RBFOX3: variants seen among roughly 807,000 people sequenced by gnomAD.
RBFOX3 encodes RNA binding fox-1 homolog 3.
RBFOX3 carries 17 observed loss-of-function variants against 48.7 expected under a neutral mutation model. The ratio of observed to expected loss-of-function variants is 0.35; its 90% CI spans 0.24 to 0.52. The LOEUF (loss-of-function observed/expected upper bound fraction) is 0.52, where lower values mean the gene tolerates loss of function less well. Among genes scored for constraint, RBFOX3 ranks in the 20% least tolerant of loss-of-function variants. RBFOX3 has a pLI of 0.94. For synonymous variants in RBFOX3, 212 were observed against 209.5 expected (o/e 1.01, Z -0.10); for missense variants, 382 against 497.5 (o/e 0.77, Z 2.21).
At chr17:79,125,162 G>A (rs1658888901) in intron 4 of RBFOX3, among the ~76,000 whole-genome samples, 1 of 152,146 alleles carries the variant, frequency 6.6e-6, no homozygotes, top group Non-Finnish European at 1.5e-5. Context: ...ATGACGGTGT[G>A]GGGCGAGGGC....
In RBFOX3 at chr17:79,339,439, G is replaced by C. The variant is rs530567858; in HGVS notation, c.-174-31615C>G. Among the ~76,000 whole-genome samples, 10 of 152,312 alleles carry C rather than the reference G, an allele frequency of 6.6e-5. No individual in the cohort carries two copies. In the South Asian group the frequency reaches 1.9e-3, roughly 28 times the overall value. ...ATCGCCTACCTCAAGAAAAGGCACA[G>C]TGCAACACCAGCCTCACCCACGAGC... On this transcript the variant is annotated intron_variant, in intron 2 of 14. Transcript: ENST00000693108.
intron 3 of RBFOX3, among the ~76,000 whole-genome samples, chr17:79,293,418 TC>T (rs2073754995): frequency 6.9e-5 from 1 of 14,470 alleles, no homozygotes; most frequent in African/African-American, 5.8e-4. Context: ...ACCCCTTCCT[TC>T]CTTCCTTCCT....
intron 1 of RBFOX3, among the ~76,000 whole-genome samples, chr17:79,499,647 G>A (rs1010001505): frequency 3.3e-5 from 5 of 152,164 alleles, no homozygotes; most frequent in Admixed American, 1.3e-4. Flanking sequence ...CACTATCTTC[G>A]GGCAAGTTAC....
intron 2 of RBFOX3, among the ~76,000 whole-genome samples, chr17:79,452,782 AG>A (rs2073772597): frequency 6.6e-6 from 1 of 152,160 alleles, no homozygotes; most frequent in African/African-American, 2.4e-5. Context: ...CAGGCCCGGC[AG>A]GGTCAGGAAA....
intron 2 of RBFOX3, among the ~76,000 whole-genome samples, chr17:79,433,740 G>A (rs2068894136): frequency 6.6e-6 from 1 of 150,666 alleles, no homozygotes; most frequent in Non-Finnish European, 1.5e-5. Context: ...AGGTGCGGTT[G>A]CTTCTTGACA....
intron 2 of RBFOX3, among the ~76,000 whole-genome samples, chr17:79,370,345 C>A (rs918956692): frequency 6.6e-6 from 1 of 152,242 alleles, no homozygotes; most frequent in East Asian, 1.9e-4. Context: ...CAGGGCCTCA[C>A]TTGACACTTG....
chr17:79,544,319 G>A (rs1034580683), intron 1 of RBFOX3, among the ~76,000 whole-genome samples: 14 of 152,148 alleles, frequency 9.2e-5, no homozygotes, highest in East Asian at 1.9e-4. Context: ...GCTCAGGCGC[G>A]CTGGCACGTT....
chr17:79,405,886 T>C (rs2148494568), intron 2 of RBFOX3, among the ~76,000 whole-genome samples: 1 of 152,320 alleles, frequency 6.6e-6, no homozygotes, highest in East Asian at 1.9e-4. Context: ...CTGTCTTCAC[T>C]GTTTTCCACC....
At chr17:79,093,445 AGGGTATCACACCTCCATCC>A (rs1389116936) in intron 14 of RBFOX3, among the ~76,000 whole-genome samples, 1 of 151,924 alleles carries the variant, frequency 6.6e-6, no homozygotes, top group African/African-American at 2.4e-5. Context: ...CCCAAGAGCC[AGGGTATCACACCTCCATCC>A]GGGTGGGGCC....
intron 1 of RBFOX3, among the ~76,000 whole-genome samples, chr17:79,504,446 T>G (rs1316593391): frequency 6.6e-6 from 1 of 152,168 alleles, no homozygotes; most frequent in Admixed American, 6.5e-5. Flanking sequence ...AAGCTTCTTC[T>G]CTCACTGAGG....
At position 79,362,873 on chromosome 17, in the gene RBFOX3, C is replaced by T. The variant is rs867714674; in HGVS notation, c.-174-55049G>A. On this transcript the variant is annotated intron_variant, in intron 2 of 14. Transcript: ENST00000693108. This position sits in a 1 kb window ranked among gnomAD's most constrained non-coding sequence, Gnocchi z 4.2. ...CGGCTCTGTGTGCAGACCTCATTCT[C>T]GGACACTTCGAGGCCACACAGGTGT... 2.6e-5 allele frequency among the ~76,000 whole-genome samples: 4 copies of T among 152,154 alleles called. No homozygotes were observed. The highest frequency in any genetic ancestry group is 3.9e-4 in the East Asian group (2 of 5,190).
At chr17:79,401,496 T>C (rs2062799656) in intron 2 of RBFOX3, among the ~76,000 whole-genome samples, 1 of 152,228 alleles carries the variant, frequency 6.6e-6, no homozygotes, top group Admixed American at 6.5e-5. Context: ...CCTTATTCCC[T>C]GTCCTGCGTG....
intron 4 of RBFOX3, among the ~76,000 whole-genome samples, chr17:79,169,811 C>T (rs953266545): frequency 3.3e-5 from 5 of 151,960 alleles, no homozygotes; most frequent in Non-Finnish European, 5.9e-5. Flanking sequence ...GGCTGCACAA[C>T]GCTGAGAATA....
chr17:79,338,587 C>T (rs887305993), intron 2 of RBFOX3, among the ~76,000 whole-genome samples: 17 of 152,182 alleles, frequency 1.1e-4, no homozygotes, highest in Non-Finnish European at 1.9e-4. Flanking sequence ...TAAAGACTTC[C>T]TGTCATCTGC....
intron 4 of RBFOX3, among the ~76,000 whole-genome samples, chr17:79,181,624 GCCGGCCACC>G (rs879412939): frequency 2.2e-5 from 1 of 46,090 alleles, no homozygotes; most frequent in Non-Finnish European, 4.0e-5. Context: ...GCAGGCCACT[GCCGGCCACC>G]CTCTGCCACT....
chr17:79,100,412 C>T (rs2076196580), intron 9 of RBFOX3: 1 of 152,212 alleles, frequency 6.6e-6, no homozygotes, highest in Non-Finnish European at 1.5e-5. Flanking sequence ...ATGTGTAAGT[C>T]CTCAGAAAAG....
At chr17:79,527,895 T>C (rs2087009912) in intron 1 of RBFOX3, among the ~76,000 whole-genome samples, 1 of 152,194 alleles carries the variant, frequency 6.6e-6, no homozygotes, top group South Asian at 2.1e-4. Context: ...AAGAGGCCGA[T>C]GGAGTCCTTG....
At chr17:79,366,860 C>A (rs1470966082) in intron 2 of RBFOX3, among the ~76,000 whole-genome samples, 1 of 152,310 alleles carries the variant, frequency 6.6e-6, no homozygotes, top group Middle Eastern at 3.4e-3. Flanking sequence ...GCTGCTGGGA[C>A]CCTGGGCAGC....
Position 79,421,594 on chromosome 17 carries a change from A to T in RBFOX3, c.-175+60860T>A, listed in dbSNP as rs927167551. Among the ~76,000 whole-genome samples, 1 of 152,144 alleles carries T rather than the reference A, an allele frequency of 6.6e-6. No homozygotes were observed. Among genetic ancestry groups the T allele is most frequent in the Non-Finnish European group, 1.5e-5 (1 of 68,006 alleles). ...GCATTGGGTGACAGGAGGGGGCCCC[A>T]GAAGTTGAGGACACAAGGAACATGG... is the stretch of plus-strand genomic sequence containing the variant. On this transcript the variant is annotated intron_variant, in intron 2 of 14. Transcript: ENST00000693108. This position sits in a 1 kb window ranked among gnomAD's most constrained non-coding sequence, Gnocchi z 4.5.
Sources: allele counts gnomAD v4.1 joint callset (sites outside exome capture counted in the v4.1 genomes callset), GRCh38; gene constraint gnomAD v4.1.1; non-coding constraint Gnocchi (gnomAD v3.1); transcripts MANE v1.5; gene names NCBI Gene and HGNC (gene_info 2026-07-23, HGNC 2026-07-21).